The following DOT1L variants were observed in gnomAD, a reference collection of about 807,000 sequenced individuals.
DOT1L encodes the protein DOT1 like histone lysine methyltransferase, also known as histone-lysine N-methyltransferase, H3 lysine-79 specific.
A neutral mutation model predicts 153.3 loss-of-function variants in DOT1L; 33 were observed. That is an observed-to-expected ratio of 0.22 (90% CI 0.16 to 0.29). The LOEUF (loss-of-function observed/expected upper bound fraction) is 0.29. Among genes scored for constraint, DOT1L ranks in the 10% least tolerant of loss-of-function variants. The pLI is 1.00. For synonymous variants in DOT1L, 1,135 were observed against 965.1 expected, an observed-to-expected ratio of 1.18 and a Z score of -3.26; for missense variants, 1,847 against 2,119.9, an observed-to-expected ratio of 0.87 and a Z score of 2.53.
intron 1 of DOT1L, among the ~76,000 whole-genome samples, chr19:2,179,846 C>T (rs1455797436): frequency 5.3e-5 from 8 of 152,300 alleles, no homozygotes; most frequent in Non-Finnish European, 1.2e-4. Flanking sequence ...AGGCTGGCCT[C>T]GAACTCCTGG....
In DOT1L at chr19:2,217,116, G is replaced by C; in HGVS notation, c.2544+26G>C. ...GTGCGGGCCGCGACCCCTGCCCCGG[G>C]CTCAGGGAGGTGCTCAGCAGAGGCG... is the stretch of plus-strand genomic sequence containing the variant. On this transcript the variant is annotated intron_variant, in intron 21 of 27. Coordinates refer to ENST00000398665, the MANE Select transcript of DOT1L (RefSeq NM_032482.3). The surrounding 1 kb of genome is among the most constrained non-coding windows in gnomAD (Gnocchi z 7.3). The C allele has an allele frequency of 1.9e-6, 3 of 1,561,416 alleles. No homozygotes were observed. Among genetic ancestry groups the C allele is most frequent in the Non-Finnish European group, 1.7e-6 (2 of 1,152,228 alleles).
chr19:2,167,467 C>A (rs117459786), intron 1 of DOT1L, among the ~76,000 whole-genome samples: 12 of 152,190 alleles, frequency 7.9e-5, no homozygotes, highest in African/African-American at 2.9e-4. Flanking sequence ...CTGGCGGGAG[C>A]GGGCTTTCTA....
At position 2,189,073 on chromosome 19, in the gene DOT1L, C is replaced by T. The variant is rs925107324; in HGVS notation, c.201-659C>T. Among the ~76,000 whole-genome samples, 17 of 152,322 alleles carry T rather than the reference C, an allele frequency of 1.1e-4. 2 individuals are homozygous for T. The South Asian group carries it at 2.5e-3, about 22-fold the overall frequency. On this transcript the variant is annotated intron_variant, in intron 3 of 27. Coordinates refer to ENST00000398665, the MANE Select transcript of DOT1L (RefSeq NM_032482.3). ...GAGTTGCTGCGGGGGGACTGAGTCTCACTGTGGACCCTGCTGTGCCGTGTC... is the reference window on the plus strand; with the variant it reads ...GAGTTGCTGCGGGGGGACTGAGTCTTACTGTGGACCCTGCTGTGCCGTGTC...
Position 2,185,923 on chromosome 19 carries a change from C to T in DOT1L, c.194C>T (p.Thr65Ile). The T allele has an allele frequency of 6.2e-7, 1 of 1,614,030 alleles. No individual in the cohort carries two copies. Among genetic ancestry groups the T allele is most frequent in the South Asian group, 1.1e-5 (1 of 91,086 alleles). Residue 65 changes from threonine to isoleucine, a missense_variant, in exon 3 of 28, where the codon ACC (threonine) becomes ATC (isoleucine). By Grantham distance (89) the Thr-to-Ile change is moderately conservative. Around this residue, in one of 8 missense-constraint regions of DOT1L, gnomAD observed 148 missense variants for 422.3 expected, o/e 0.35. Coordinates refer to ENST00000398665, the MANE Select transcript of DOT1L (RefSeq NM_032482.3). Reference protein sequence around the residue: ...MENYVLIDYDTKSFESMQRLC... With the variant: ...MENYVLIDYDIKSFESMQRLC... ...AATTACGTTTTAATTGACTATGACA[C>T]CAAAAGGTAAGCAGAGTCCTGTCCA...
At position 2,208,854 on chromosome 19, in the gene DOT1L, C is replaced by T. The variant is rs2023603845; in HGVS notation, c.964-81C>T. 1 of 1,439,630 alleles carries T rather than the reference C, an allele frequency of 6.9e-7. No homozygotes were observed. The highest frequency in any genetic ancestry group is 1.4e-5 in the African/African-American group (1 of 70,304). The allele number at this position is 1,439,630 out of a possible 1,614,324, so 89.2% of individuals were successfully genotyped here. A position where few individuals can be genotyped will look rare whatever the true frequency, so the allele number is the denominator to read the frequency against. ...GCCTCCCCAGCCACTGTCCAGGTTG[C>T]TGTTGTTACCTGGGTGTCCAGACAA... On this transcript the variant is annotated intron_variant, in intron 11 of 27. Transcript: ENST00000398665. The surrounding 1 kb of genome is among the most constrained non-coding windows in gnomAD (Gnocchi z 4.4).
chr19:2,213,415 C>G (rs2023782170), intron 16 of DOT1L, 124 bp from the exon 17 acceptor site: 5 of 921,474 alleles, frequency 5.4e-6, no homozygotes, highest in African/African-American at 1.7e-5. Flanking sequence ...CGGTGTGGGT[C>G]CCCTCAGGCA....
chr19:2,210,808 C>T lies in DOT1L; in HGVS notation c.1304C>T (p.Ala435Val), dbSNP rs2144833319. ...KPKKNQTALD[A>V]LHAQTVSQTA... ...AAGAAGAACCAAACTGCACTGGATGCCCTGCACGCTCAGACCGTGTCTCAG... is the reference window on the plus strand; with the variant it reads ...AAGAAGAACCAAACTGCACTGGATGTCCTGCACGCTCAGACCGTGTCTCAG... Residue 435 changes from alanine (A) to valine (V), a missense_variant, in exon 14 of 28, where the codon GCC becomes GTC. Transcript: ENST00000398665. 6.2e-7 allele frequency: 1 copy of T among 1,612,892 alleles called. No homozygotes were observed. Among genetic ancestry groups the T allele is most frequent in the Non-Finnish European group, 8.5e-7 (1 of 1,179,988 alleles).
chr19:2,226,971 A>G lies in DOT1L; in HGVS notation c.4450A>G (p.Asn1484Asp). ...FALGPMSLQA[N>D]LGSVAGSSVL... ...GCTCGGCCCCATGTCCCTGCAGGCCAACCTCGGCTCCGTGGCCGGCTCCTC... is the reference window on the plus strand; with the variant it reads ...GCTCGGCCCCATGTCCCTGCAGGCCGACCTCGGCTCCGTGGCCGGCTCCTC... Residue 1484 changes from asparagine to aspartate, a missense_variant, in exon 27 of 28, where the codon AAC becomes GAC. Coordinates refer to ENST00000398665, the MANE Select transcript of DOT1L (RefSeq NM_032482.3). 1 of 1,591,554 alleles carries G rather than the reference A, an allele frequency of 6.3e-7. No homozygotes were observed. The highest frequency in any genetic ancestry group is 8.5e-7 in the Non-Finnish European group (1 of 1,176,584).
At chr19:2,213,724 G>A (rs2023796012) in intron 17 of DOT1L, 84 bp downstream of exon 17, 1 of 1,601,544 alleles carries the variant, frequency 6.2e-7, no homozygotes, top group Non-Finnish European at 8.5e-7. Flanking sequence ...GGCTTCCTGT[G>A]GCTTCCTGTC....
chr19:2,177,577 C>T (rs2022009341), intron 1 of DOT1L, among the ~76,000 whole-genome samples: 1 of 152,156 alleles, frequency 6.6e-6, no homozygotes, highest in African/African-American at 2.4e-5. Flanking sequence ...GTTGGCCAGG[C>T]TGGCCTCGAA....
rs766106589 is a variant in DOT1L, at chr19:2,197,631, C to T, written c.652-2253C>T. Among the ~76,000 whole-genome samples the T allele has an allele frequency of 1.3e-4, 20 of 152,152 alleles. No homozygotes were observed. Among genetic ancestry groups the T allele is most frequent in the Admixed American group, 1.2e-3 (18 of 15,274 alleles). On this transcript the variant is annotated intron_variant, in intron 7 of 27. Coordinates refer to ENST00000398665, the MANE Select transcript of DOT1L (RefSeq NM_032482.3). The surrounding 1 kb of genome is among the most constrained non-coding windows in gnomAD (Gnocchi z 4.1). ...CACAGGTGCTCCTGGCATGGAGCTG[C>T]GTTCGTGGTCTGGATTCCGTGCAGG...
At position 2,164,209 on chromosome 19, in the gene DOT1L, C is replaced by T. The variant is rs1207095807; in HGVS notation, c.25C>T (p.Leu9=). 10 of 1,277,428 alleles carry T rather than the reference C, an allele frequency of 7.8e-6. No homozygotes were observed. Among genetic ancestry groups the T allele is most frequent in the Non-Finnish European group, 9.9e-6 (10 of 1,009,472 alleles). The allele number at this position is 1,277,428 out of a possible 1,614,324, so 79.1% of individuals were successfully genotyped here. Reference sequence around the variant, plus strand: ...CATGGGGGAGAAGCTGGAGCTGAGACTGAAGTCGCCCGTGGGGGCTGAGCC... The same window carrying T: ...CATGGGGGAGAAGCTGGAGCTGAGATTGAAGTCGCCCGTGGGGGCTGAGCC... MGEKLELR[L]KSPVGAEPAV... Residue 9 remains leucine, a synonymous_variant, in exon 1 of 28, where the codon CTG becomes TTG. Transcript: ENST00000398665.
chr19:2,206,889 G>T (rs2023518205), intron 10 of DOT1L, 92 bp downstream of exon 10: 2 of 1,317,888 alleles, frequency 1.5e-6, no homozygotes. Context: ...TGACCCTGTG[G>T]ACACTGGGGC....
Position 2,193,900 on chromosome 19 carries a change from C to T in DOT1L, c.588+117C>T. 14 of 1,104,956 alleles carry T rather than the reference C, an allele frequency of 1.3e-5. No individual in the cohort carries two copies. The highest frequency in any genetic ancestry group is 1.7e-5 in the Non-Finnish European group (13 of 770,754). The allele number at this position is 1,104,956 out of a possible 1,614,324, so 68.4% of individuals were successfully genotyped here. Reference sequence around the variant, plus strand: ...TTCCGAGTCTGGGTGGCGTTCTTTCCAGGCCCAAGACGTCTTGGTTGCCTG... The same window carrying T: ...TTCCGAGTCTGGGTGGCGTTCTTTCTAGGCCCAAGACGTCTTGGTTGCCTG... On this transcript the variant is annotated intron_variant, in intron 6 of 27. Coordinates refer to ENST00000398665, the MANE Select transcript of DOT1L (RefSeq NM_032482.3). The surrounding 1 kb of genome is among the most constrained non-coding windows in gnomAD (Gnocchi z 5.9).
Position 2,191,865 on chromosome 19 carries a change from C to T in DOT1L, c.493+625C>T, listed in dbSNP as rs904524820. ...CTTGTGAGGTGTCGTCTCCTCTCAA[C>T]CACGGGCGGGGCTCCTTGAAACGAG... is the stretch of plus-strand genomic sequence containing the variant. On this transcript the variant is annotated intron_variant, in intron 5 of 27. Coordinates refer to ENST00000398665, the MANE Select transcript of DOT1L (RefSeq NM_032482.3). The surrounding 1 kb of genome is among the most constrained non-coding windows in gnomAD (Gnocchi z 6.8). Among the ~76,000 whole-genome samples the T allele has an allele frequency of 1.3e-5, 2 of 152,226 alleles. No individual in the cohort carries two copies. The highest frequency in any genetic ancestry group is 4.8e-5 in the African/African-American group (2 of 41,454).
At chr19:2,171,657 T>C (rs1484316210) in intron 1 of DOT1L, among the ~76,000 whole-genome samples, 1 of 152,184 alleles carries the variant, frequency 6.6e-6, no homozygotes, top group South Asian at 2.1e-4. Flanking sequence ...TGCCTTCTCC[T>C]GGGGGTAGCC....
In DOT1L at chr19:2,222,470, G is replaced by A. The variant is rs370099172; in HGVS notation, c.3301G>A (p.Ala1101Thr). Residue 1101 changes from alanine to threonine, a missense_variant, in exon 24 of 28, where the codon GCA becomes ACA. By Grantham distance (58) the Ala-to-Thr change is moderately conservative (BLOSUM62 0). This residue lies in a region of DOT1L where 934 missense variants were observed against 825.3 expected (regional missense o/e 1.13). Transcript: ENST00000398665. This position sits in a 1 kb window ranked among gnomAD's most constrained non-coding sequence, Gnocchi z 6.5. ...RASAGTPSLSAGVSPKRRALP... is the reference protein window; with the variant it reads ...RASAGTPSLSTGVSPKRRALP... ...ATCTGCGGGGACGCCCAGCTTGAGC[G>A]CAGGCGTGTCCCCCAAGCGCCGAGC... 2.7e-5 allele frequency: 43 copies of A among 1,604,382 alleles called. No homozygotes were observed. The Admixed American group carries it at 3.0e-4, about 11-fold the overall frequency.
At position 2,202,640 on chromosome 19, in the gene DOT1L, C is replaced by A; in HGVS notation, c.708-60C>A. 3 of 1,546,608 alleles carry A rather than the reference C, an allele frequency of 1.9e-6. No homozygotes were observed. In the South Asian group the frequency reaches 3.4e-5, roughly 17 times the overall value. Reference sequence around the variant, plus strand: ...CGACAGCAGCGGTTGTTGGCTGCGCCGGGTGGCTGTGCCCGTGAGACGAGC... The same window carrying A: ...CGACAGCAGCGGTTGTTGGCTGCGCAGGGTGGCTGTGCCCGTGAGACGAGC... On this transcript the variant is annotated intron_variant, in intron 8 of 27. Coordinates refer to ENST00000398665, the MANE Select transcript of DOT1L (RefSeq NM_032482.3).
intron 1 of DOT1L, among the ~76,000 whole-genome samples, chr19:2,176,826 AAGACGC>A (rs1230232905): frequency 1.3e-4 from 20 of 152,174 alleles, no homozygotes; most frequent in South Asian, 2.1e-4. Flanking sequence ...ATCACTGGGG[AAGACGC>A]TATGGACAGA....
Sources: gnomAD v4.1 joint callset for allele counts (sites outside exome capture counted in the v4.1 genomes callset) on GRCh38, gnomAD v4.1.1 for gene constraint, gnomAD v4.1.1 regional missense constraint, Gnocchi (gnomAD v3.1) non-coding constraint, MANE v1.5 for transcripts, NCBI Gene and HGNC (gene_info 2026-07-23, HGNC 2026-07-21) for gene names.